Variants in KHSRP observed in about 807,000 individuals in gnomAD.
KHSRP encodes the protein KH-type splicing regulatory protein, also known as far upstream element-binding protein 2.
Under a neutral mutation model 94.9 loss-of-function variants are expected in KHSRP, and 13 were observed. The observed-to-expected ratio is 0.14, with a 90% CI of 0.09 to 0.22. The LOEUF is 0.22. Ranked by LOEUF, KHSRP falls within the 10% of genes least tolerant of loss-of-function variation. The probability of loss-of-function intolerance (pLI) is 1.00; values close to 1 mark genes in which losing one functional copy is unlikely to be tolerated. For missense variants in KHSRP, 710 were observed against 1,010.0 expected, an observed-to-expected ratio of 0.70 and a Z score of 4.03; for synonymous variants, 495 against 401.4, an observed-to-expected ratio of 1.23 and a Z score of -2.79.
rs567134190 is a variant in KHSRP at position 6,415,192 on chromosome 19, G to T, written c.2076C>A (p.Thr692=). 3 of 1,611,420 alleles carry T rather than the reference G, an allele frequency of 1.9e-6. No homozygotes were observed. In the South Asian group the frequency reaches 3.3e-5, roughly 18 times the overall value. ...GCGGCTGGGGGCCGCCAGGACCTGG[G>T]GTCTGTCCGTAGTAAGCGGCCTGCT... is the stretch of plus-strand genomic sequence containing the variant. ...YRQQAAYYGQ[T]PGPGGPQPPP... The change falls in exon 19 of 19, where the codon ACC becomes ACA. Residue 692 remains threonine, a synonymous_variant. Transcript: ENST00000600480.
intron 1 of KHSRP, 87 bp downstream of exon 1, chr19:6,424,366 C>T (rs2092218102): frequency 1.2e-5 from 8 of 650,846 alleles, no homozygotes; most frequent in Non-Finnish European, 1.5e-5. Flanking sequence ...CTCCGCGACC[C>T]TGCGCGCGCG....
Position 6,424,737 on chromosome 19 carries a change from G to A in KHSRP, c.-36C>T. 1.5e-5 allele frequency: 14 copies of A among 962,764 alleles called. No individual in the cohort carries two copies. Among genetic ancestry groups the A allele is most frequent in the African/African-American group, 3.5e-5 (2 of 56,856 alleles). The allele number at this position is 962,764 out of a possible 1,614,324, so 59.6% of individuals were successfully genotyped here. A position where few individuals can be genotyped will look rare whatever the true frequency, so the allele number is the denominator to read the frequency against. ...GGCCGGGCCTGGCGCGGAGGCTGAAGCTGAGGAGGCGGCGGCGGCGGCGGC... is the reference window on the plus strand; with the variant it reads ...GGCCGGGCCTGGCGCGGAGGCTGAAACTGAGGAGGCGGCGGCGGCGGCGGC... On this transcript the variant is annotated 5_prime_UTR_variant, in exon 1 of 19. Coordinates refer to ENST00000600480, the MANE Select transcript of KHSRP (RefSeq NM_001366299.1).
At position 6,415,625 on chromosome 19, in the gene KHSRP, C is replaced by G. The variant is rs1339711103; in HGVS notation, c.1797G>C (p.Ala599=). The part of the protein sequence containing the change: ...GPVPGPAPAP[A]APPAQGEPPQ... ...GGGGCTCACCCTGAGCCGGTGGGGCCGCAGGGGCCGGTGCGGGGCCGGGGA... is the reference window on the plus strand; with the variant it reads ...GGGGCTCACCCTGAGCCGGTGGGGCGGCAGGGGCCGGTGCGGGGCCGGGGA... The change falls in exon 17 of 19, where the codon GCG becomes GCC. Residue 599 remains alanine, a synonymous_variant. Transcript: ENST00000600480. The G allele has an allele frequency of 6.6e-7, 1 of 1,521,534 alleles. No individual in the cohort carries two copies. Among genetic ancestry groups the G allele is most frequent in the Non-Finnish European group, 8.8e-7 (1 of 1,135,816 alleles). 94.3% of individuals were successfully genotyped at this position (1,521,534 alleles called of 1,614,324 possible). A position where few individuals can be genotyped will look rare whatever the true frequency, so the allele number is the denominator to read the frequency against.
chr19:6,415,390 G>A lies in KHSRP; in HGVS notation c.1956C>T (p.Tyr652=), dbSNP rs1428953551. 2 of 1,601,248 alleles carry A rather than the reference G, an allele frequency of 1.2e-6. No homozygotes were observed. Among genetic ancestry groups the A allele is most frequent in the Admixed American group, 1.7e-5 (1 of 57,588 alleles). The change falls in exon 18 of 19, where the codon TAC becomes TAT. Residue 652 remains tyrosine (Y), a synonymous_variant. Coordinates refer to ENST00000600480, the MANE Select transcript of KHSRP (RefSeq NM_001366299.1). ...ATGGTGGCCACTCACCTTGCTTCTT[G>A]TAGTACTCCTCCCAAGCCTTCGTGT... is the stretch of plus-strand genomic sequence containing the variant. ...QDYTKAWEEY[Y]KKQAQVATGG... is the part of the protein sequence containing the mutation.
chr19:6,418,782 T>C lies in KHSRP; in HGVS notation c.700A>G (p.Thr234Ala). 6.2e-7 allele frequency: 1 copy of C among 1,606,820 alleles called. No homozygotes were observed. Among genetic ancestry groups the C allele is most frequent in the Non-Finnish European group, 8.5e-7 (1 of 1,177,794 alleles). Residue 234 changes from threonine (T) to alanine (A), a missense_variant, in exon 8 of 19, where the codon ACC (threonine) becomes GCC (alanine). Thr to Ala is a moderately conservative substitution (Grantham distance 58, BLOSUM62 0). Around this residue, in one of 5 missense-constraint regions of KHSRP, gnomAD observed 288 missense variants for 501.1 expected, o/e 0.57. Transcript: ENST00000600480. The surrounding 1 kb of genome is among the most constrained non-coding windows in gnomAD (Gnocchi z 4.3). The part of the protein sequence containing the change: ...HDNANGGQNG[T>A]VQEIMIPAGK... The stretch of plus-strand genomic sequence containing the variant: ...GCGGGGATCATGATCTCCTGCACGG[T>C]GCCGTTCTGGCCCCCGTTGGCGTTG...
In KHSRP at chr19:6,414,247, T is replaced by C; in HGVS notation, c.*777A>G. On this transcript the variant is annotated 3_prime_UTR_variant, in exon 19 of 19. Coordinates refer to ENST00000600480, the MANE Select transcript of KHSRP (RefSeq NM_001366299.1). ...AGGAAGCCCCCTCCCAAACCTGCGC[T>C]GGCTCAGGCTGGAAGGACGTGCTTG... 1.3e-6 allele frequency: 2 copies of C among 1,489,096 alleles called. No homozygotes were observed. Among genetic ancestry groups the C allele is most frequent in the Non-Finnish European group, 8.9e-7 (1 of 1,117,924 alleles). The allele number at this position is 1,489,096 out of a possible 1,614,324, so 92.2% of individuals were successfully genotyped here.
Position 6,421,304 on chromosome 19 carries a change from T to C in KHSRP, c.399A>G (p.Gln133=), listed in dbSNP as rs189062465. 79 of 1,589,964 alleles carry C rather than the reference T, an allele frequency of 5.0e-5. No individual in the cohort carries two copies. In the East Asian group the frequency reaches 1.5e-3, roughly 30 times the overall value. ...LASQGDSISS[Q]LGPIHPPPRT... Reference sequence around the variant, plus strand: ...TTGGGGGAGGATGGATGGGTCCAAGTTGAGAACTGATTGCTGTAGAGAGAA... The same window carrying C: ...TTGGGGGAGGATGGATGGGTCCAAGCTGAGAACTGATTGCTGTAGAGAGAA... Residue 133 remains glutamine, a synonymous_variant, in exon 4 of 19, where the codon CAA becomes CAG. Coordinates refer to ENST00000600480, the MANE Select transcript of KHSRP (RefSeq NM_001366299.1).
At position 6,414,834 on chromosome 19, in the gene KHSRP, C is replaced by G; in HGVS notation, c.*190G>C. 8.1e-7 allele frequency: 1 copy of G among 1,236,664 alleles called. No individual in the cohort carries two copies. Among genetic ancestry groups the G allele is most frequent in the Non-Finnish European group, 1.0e-6 (1 of 987,136 alleles). 76.6% of individuals were successfully genotyped at this position (1,236,664 alleles called of 1,614,324 possible). A position where few individuals can be genotyped will look rare whatever the true frequency, so the allele number is the denominator to read the frequency against. ...CCGTCCGCGCTGTCTGCCTGCCCCCCGACTCCCCAGCAGTTCAGAAGTCCC... is the reference window on the plus strand; with the variant it reads ...CCGTCCGCGCTGTCTGCCTGCCCCCGGACTCCCCAGCAGTTCAGAAGTCCC... On this transcript the variant is annotated 3_prime_UTR_variant, in exon 19 of 19. Transcript: ENST00000600480.
Position 6,416,528 on chromosome 19 carries a change from T to C in KHSRP, c.1450A>G (p.Ile484Val). The change falls in exon 14 of 19, where the codon ATT becomes GTT. Residue 484 changes from isoleucine (I) to valine (V), a missense_variant. By Grantham distance (29) the Ile-to-Val change is conservative. Transcript: ENST00000600480. ...LFIIRGSPQQ[I>V]DHAKQLIEEK... is the part of the protein sequence containing the mutation. ...TCGATAAGCTGCTTGGCGTGGTCAA[T>C]CTGCTGGGGTGAACCCCGGATGATG... The C allele has an allele frequency of 6.2e-7, 1 of 1,613,566 alleles. No homozygotes were observed. The highest frequency in any genetic ancestry group is 1.1e-5 in the South Asian group (1 of 91,048).
rs923495829 is a variant in KHSRP, at chr19:6,414,848, T to C, written c.*176A>G. ...TGCCTGCCCCCCGACTCCCCAGCAG[T>C]TCAGAAGTCCCGCCTGCGAGTCTCA... is the stretch of plus-strand genomic sequence containing the variant. On this transcript the variant is annotated 3_prime_UTR_variant, in exon 19 of 19. Coordinates refer to ENST00000600480, the MANE Select transcript of KHSRP (RefSeq NM_001366299.1). 8.7e-4 allele frequency: 1,118 copies of C among 1,278,442 alleles called. 1 individual carries two copies. The highest frequency in any genetic ancestry group is 8.3e-4 in the Non-Finnish European group (839 of 1,011,484). 79.2% of individuals were successfully genotyped at this position (1,278,442 alleles called of 1,614,324 possible).
chr19:6,415,792 G>C lies in KHSRP; in HGVS notation c.1687+16C>G, dbSNP rs1222999386. The C allele has an allele frequency of 1.9e-6, 3 of 1,560,862 alleles. No individual in the cohort carries two copies. Among genetic ancestry groups the C allele is most frequent in the Non-Finnish European group, 2.6e-6 (3 of 1,153,134 alleles). ...CAGAACAGGGCCTGCCCTCCGCCAG[G>C]TGGCCCATCACTTACTTGGGTCATG... is the stretch of plus-strand genomic sequence containing the variant. On this transcript the variant is annotated intron_variant, in intron 16 of 18. Coordinates refer to ENST00000600480, the MANE Select transcript of KHSRP (RefSeq NM_001366299.1).
At chr19:6,423,023 T>C (rs1210906649) in intron 1 of KHSRP, among the ~76,000 whole-genome samples, 1 of 152,228 alleles carries the variant, frequency 6.6e-6, no homozygotes, top group Non-Finnish European at 1.5e-5. Context: ...CTTATGCCTG[T>C]AATCCCAGCA....
chr19:6,417,682 G>T, intron 11 of KHSRP, 57 bp downstream of exon 11: 1 of 1,467,300 alleles, frequency 6.8e-7, no homozygotes, highest in Non-Finnish European at 9.5e-7. Context: ...CTCAGAGCCT[G>T]CCTCCCAAAG....
chr19:6,416,193 G>C (rs997669143), intron 15 of KHSRP, 105 bp downstream of exon 15: 27 of 917,398 alleles, frequency 2.9e-5, no homozygotes, highest in Non-Finnish European at 3.9e-5. Context: ...GGCTGGATGA[G>C]GCCCCCCGCC....
At chr19:6,417,708 T>C (rs1211988330) in intron 11 of KHSRP, 31 bp downstream of exon 11, 8 of 1,589,816 alleles carry the variant, frequency 5.0e-6, no homozygotes, top group Non-Finnish European at 5.2e-6. Context: ...GGGGGTGCAC[T>C]GGCCAGGGGC....
intron 5 of KHSRP, 138 bp from the exon 6 acceptor site, chr19:6,420,282 C>T: frequency 2.6e-6 from 3 of 1,154,764 alleles, no homozygotes; most frequent in Non-Finnish European, 3.8e-6. Flanking sequence ...TGTCCTCTGC[C>T]CAGAGGGGAC....
rs1034003521 is a variant in KHSRP at position 6,415,715 on chromosome 19, G to A, written c.1707C>T (p.Ala569=). The A allele has an allele frequency of 2.3e-5, 36 of 1,549,562 alleles. No homozygotes were observed. The highest frequency in any genetic ancestry group is 1.6e-4 in the Admixed American group (8 of 50,968). Residue 569 remains alanine, a synonymous_variant, in exon 17 of 19, where the codon GCC becomes GCT. Transcript: ENST00000600480. ...CGGCCCACGCGGCGTTGGGGTCCGC[G>A]GCCGCTGCAGCTGCTTTGCCTGCAG... The part of the protein sequence containing the change: ...PHDPSKAAAA[A]ADPNAAWAAY...
rs1319282198 is a variant in KHSRP, at chr19:6,424,540, C to T, written c.162G>A (p.Ser54=). 1 of 977,058 alleles carries T rather than the reference C, an allele frequency of 1.0e-6. No homozygotes were observed. The highest frequency in any genetic ancestry group is 1.2e-4 in the East Asian group (1 of 8,628). 60.5% of individuals were successfully genotyped at this position (977,058 alleles called of 1,614,324 possible). ...GPGGGGPGGG[S]AGGPSQPPGG... is the part of the protein sequence containing the mutation. ...CGGGTGGCTGAGAGGGGCCCCCGGC[C>T]GACCCCCCGCCCGGGCCGCCGCCGC... Residue 54 remains serine (S), a synonymous_variant, in exon 1 of 19, where the codon TCG becomes TCA. Transcript: ENST00000600480.
Position 6,414,363 on chromosome 19 carries a change from G to C in KHSRP, c.*661C>G. The C allele has an allele frequency of 2.9e-6, 4 of 1,356,542 alleles. No individual in the cohort carries two copies. The highest frequency in any genetic ancestry group is 3.8e-6 in the Non-Finnish European group (4 of 1,051,794). The allele number at this position is 1,356,542 out of a possible 1,614,324, so 84.0% of individuals were successfully genotyped here. ...GGACAGAGCAGGAAGAGAGGAGAGG[G>C]GCCGCGGAGGGCGGAGGCGCTAGGG... On this transcript the variant is annotated 3_prime_UTR_variant, in exon 19 of 19. Coordinates refer to ENST00000600480, the MANE Select transcript of KHSRP (RefSeq NM_001366299.1).
Sources: allele counts gnomAD v4.1 joint callset (sites outside exome capture counted in the v4.1 genomes callset), GRCh38; gene constraint gnomAD v4.1.1; regional missense constraint gnomAD v4.1.1; non-coding constraint Gnocchi (gnomAD v3.1); transcripts MANE v1.5; gene names NCBI Gene and HGNC (gene_info 2026-07-23, HGNC 2026-07-21).